UBE3D: variants seen among roughly 807,000 people sequenced by gnomAD.
UBE3D encodes E3 ubiquitin-protein ligase E3D.
In UBE3D, 48 loss-of-function variants were observed where a neutral mutation model predicts 49.6. That is an observed-to-expected ratio of 0.97 (90% CI 0.77 to 1.23). The LOEUF is 1.23. UBE3D is among the 50% of genes most tolerant of loss of function. The pLI is 0.00. For synonymous variants in UBE3D, 189 were observed against 174.2 expected, an observed-to-expected ratio of 1.08 and a Z score of -0.67; for missense variants, 452 against 468.4, an observed-to-expected ratio of 0.96 and a Z score of 0.32.
intron 4 of UBE3D, among the ~76,000 whole-genome samples, chr6:83,041,796 T>A (rs986859827): frequency 6.6e-6 from 1 of 152,240 alleles, no homozygotes; most frequent in African/African-American, 2.4e-5. Context: ...TCATCCTTGC[T>A]AGCAGTAATA....
At chr6:83,016,175 AG>A in intron 8 of UBE3D, among the ~76,000 whole-genome samples, 1 of 152,178 alleles carries the variant, frequency 6.6e-6, no homozygotes, top group East Asian at 1.9e-4. Context: ...AGCAGATTTG[AG>A]GCTTAGTATC....
chr6:82,937,687 G>C (rs1209534545), intron 9 of UBE3D, among the ~76,000 whole-genome samples: 1 of 152,140 alleles, frequency 6.6e-6, no homozygotes, highest in African/African-American at 2.4e-5. Flanking sequence ...CCAAGAACCA[G>C]AGTGAAAAAT....
intron 2 of UBE3D, among the ~76,000 whole-genome samples, chr6:83,055,881 A>G (rs1035485299): frequency 2.6e-5 from 4 of 152,208 alleles, no homozygotes; most frequent in Non-Finnish European, 5.9e-5. Context: ...ACCAGTACAT[A>G]TCTATTCATA....
chr6:82,884,820 T>C, the UBE3D span, among the ~76,000 whole-genome samples: 1 of 152,150 alleles, frequency 6.6e-6, no homozygotes, highest in Admixed American at 6.5e-5. Flanking sequence ...GGAAGATGAT[T>C]TGCCTTGTTC....
chr6:83,028,073 T>C (rs925695753), intron 5 of UBE3D, among the ~76,000 whole-genome samples: 5 of 152,214 alleles, frequency 3.3e-5, no homozygotes, highest in Admixed American at 2.0e-4. Flanking sequence ...ATATCAATTA[T>C]AACACTTTTT....
At chr6:82,884,988 G>T in the UBE3D span, among the ~76,000 whole-genome samples, 1 of 152,100 alleles carries the variant, frequency 6.6e-6, no homozygotes, top group African/African-American at 2.4e-5. Context: ...TTTTGCAAAA[G>T]CTTTTCTGCT....
intron 8 of UBE3D, among the ~76,000 whole-genome samples, chr6:82,991,048 C>A (rs59588729): frequency 0.18 from 26,852 of 152,088 alleles, 2,542 homozygotes; most frequent in African/African-American, 0.24. Flanking sequence ...CTTCACAGGG[C>A]CACTGGCAGG....
intron 9 of UBE3D, among the ~76,000 whole-genome samples, chr6:82,921,508 T>C (rs1773335215): frequency 6.6e-6 from 1 of 152,040 alleles, no homozygotes. Context: ...CCTTCCTTCT[T>C]CCTCCATACC....
At chr6:82,906,624 T>C (rs764262206) in intron 9 of UBE3D, among the ~76,000 whole-genome samples, 2 of 152,214 alleles carry the variant, frequency 1.3e-5, no homozygotes, top group African/African-American at 4.8e-5. Context: ...TGGGGAATGG[T>C]ACTTAGCCAC....
chr6:83,019,223 TGAAAA>T, intron 7 of UBE3D, 87 bp from the exon 8 acceptor site: 1 of 1,218,794 alleles, frequency 8.2e-7, no homozygotes, highest in Non-Finnish European at 1.1e-6. Context: ...AAAGAGACTA[TGAAAA>T]TACCAGAAAA....
rs948890063 is a variant in UBE3D, at chr6:82,947,904, A to G, written c.1149+9408T>C. ...GAAGTTTATAACTATAAGTGCCTAC[A>G]TCAAAACAGAAGAAAAACCTTCAAT... is the stretch of plus-strand genomic sequence containing the variant. On this transcript the variant is annotated intron_variant, in intron 9 of 9. Coordinates refer to ENST00000369747, the MANE Select transcript of UBE3D (RefSeq NM_198920.3). Among the ~76,000 whole-genome samples, 3 of 152,076 alleles carry G rather than the reference A, an allele frequency of 2.0e-5. 1 individual carries two copies. The highest frequency in any genetic ancestry group is 7.2e-5 in the African/African-American group (3 of 41,458).
At chr6:83,034,880 TA>T (rs564106316) in intron 5 of UBE3D, among the ~76,000 whole-genome samples, 2 of 149,744 alleles carry the variant, frequency 1.3e-5, no homozygotes, top group African/African-American at 2.5e-5. Context: ...ACTTTATAAC[TA>T]AAAAAAAAGA....
At chr6:82,930,366 G>A (rs1466922721) in intron 9 of UBE3D, among the ~76,000 whole-genome samples, 4 of 152,156 alleles carry the variant, frequency 2.6e-5, no homozygotes, top group South Asian at 2.1e-4. Context: ...GTAGTGAGGC[G>A]CTGCTGTAAA....
At chr6:83,046,233 CT>C (rs201532901) in intron 3 of UBE3D, among the ~76,000 whole-genome samples, 74 of 146,868 alleles carry the variant, frequency 5.0e-4, no homozygotes, top group East Asian at 1.6e-3. Flanking sequence ...GTGAATGCTA[CT>C]TTTTTTTTTT....
chr6:83,011,229 T>C (rs1017615813), intron 8 of UBE3D, among the ~76,000 whole-genome samples: 1 of 152,196 alleles, frequency 6.6e-6, no homozygotes, highest in Non-Finnish European at 1.5e-5. Flanking sequence ...AGTACAAGTG[T>C]ATACATGCAC....
At chr6:82,928,279 G>A (rs1044558869) in intron 9 of UBE3D, among the ~76,000 whole-genome samples, 5 of 152,022 alleles carry the variant, frequency 3.3e-5, no homozygotes, top group Non-Finnish European at 4.4e-5. Context: ...TCATTTTAAA[G>A]TCAATTCCTG....
At chr6:83,058,702 A>G (rs1044848477) in intron 1 of UBE3D, among the ~76,000 whole-genome samples, 9 of 152,254 alleles carry the variant, frequency 5.9e-5, no homozygotes, top group Admixed American at 1.3e-4. Flanking sequence ...TGCAGACAGC[A>G]AGCCATTTGC....
Position 83,057,807 on chromosome 6 carries a change from A to T in UBE3D, c.274+19T>A. ...AACAAAAAGGTAAATACAGCAGCAGAAGTGCTAATATTACTCACTTGTGCC... is the reference window on the plus strand; with the variant it reads ...AACAAAAAGGTAAATACAGCAGCAGTAGTGCTAATATTACTCACTTGTGCC... On this transcript the variant is annotated intron_variant, in intron 2 of 9. Coordinates refer to ENST00000369747, the MANE Select transcript of UBE3D (RefSeq NM_198920.3). The T allele has an allele frequency of 6.2e-7, 1 of 1,612,224 alleles. No homozygotes were observed. Among genetic ancestry groups the T allele is most frequent in the Non-Finnish European group, 8.5e-7 (1 of 1,178,724 alleles).
intron 9 of UBE3D, among the ~76,000 whole-genome samples, chr6:82,935,950 T>C (rs1774538253): frequency 6.6e-6 from 1 of 152,080 alleles, no homozygotes; most frequent in Non-Finnish European, 1.5e-5. Context: ...GACAATTATA[T>C]GTATTAGGTA....
Sources: gnomAD v4.1 joint callset for allele counts (sites outside exome capture counted in the v4.1 genomes callset) on GRCh38, gnomAD v4.1.1 for gene constraint, MANE v1.5 for transcripts, NCBI Gene and HGNC (gene_info 2026-07-23, HGNC 2026-07-21) for gene names.